SLC10A7: variants seen among roughly 807,000 people sequenced by gnomAD.
SLC10A7 encodes solute carrier family 10 member 7, also known as sodium/bile acid cotransporter 7.
In SLC10A7, 29 loss-of-function variants were observed where a neutral mutation model predicts 43.2. The ratio of observed to expected loss-of-function variants is 0.67; its 90% confidence interval spans 0.50 to 0.92. The LOEUF is 0.92. Ranked by LOEUF, SLC10A7 falls within the 40% of genes least tolerant of loss-of-function variation. The pLI, the probability that SLC10A7 is intolerant of heterozygous loss-of-function variation, is 0.00. For synonymous variants in SLC10A7, 152 were observed against 144.8 expected, an observed-to-expected ratio of 1.05 and a Z score of -0.35; for missense variants, 295 against 403.2, an observed-to-expected ratio of 0.73 and a Z score of 2.30.
rs1245704382 is a variant in SLC10A7 at position 146,404,311 on chromosome 4, T to C, written c.435+38472A>G. On this transcript the variant is annotated intron_variant, in intron 5 of 11. Transcript: ENST00000335472. ...CTGAGATTACAGGCCTGAGCCACCATGCTTGACCAACAGTATGAATCTGTA... is the reference window on the plus strand; with the variant it reads ...CTGAGATTACAGGCCTGAGCCACCACGCTTGACCAACAGTATGAATCTGTA... Among the ~76,000 whole-genome samples, 3 of 152,058 alleles carry C rather than the reference T, an allele frequency of 2.0e-5. No individual in the cohort carries two copies. The East Asian group carries it at 5.8e-4, about 29-fold the overall frequency.
At chr4:146,401,133 G>A (rs1004604809) in intron 5 of SLC10A7, among the ~76,000 whole-genome samples, 2 of 152,152 alleles carry the variant, frequency 1.3e-5, no homozygotes, top group Admixed American at 6.5e-5. Flanking sequence ...ATTCAGCAAT[G>A]ATCAATCAGT....
chr4:146,296,805 TG>T (rs1730817405), intron 7 of SLC10A7, among the ~76,000 whole-genome samples: 1 of 152,178 alleles, frequency 6.6e-6, no homozygotes, highest in Non-Finnish European at 1.5e-5. Context: ...AAACAAAAAC[TG>T]GGTGAAGTAG....
intron 5 of SLC10A7, among the ~76,000 whole-genome samples, chr4:146,365,388 C>G (rs1418671298): frequency 6.6e-6 from 1 of 152,154 alleles, no homozygotes; most frequent in East Asian, 1.9e-4. Context: ...CACATAGATA[C>G]TACATCAGAG....
intron 5 of SLC10A7, among the ~76,000 whole-genome samples, chr4:146,374,808 C>T (rs1333910819): frequency 1.3e-5 from 2 of 152,044 alleles, no homozygotes; most frequent in Non-Finnish European, 2.9e-5. Flanking sequence ...TCAGAAGATG[C>T]ATGACATTTA....
At chr4:146,328,184 G>A (rs1344133233) in intron 5 of SLC10A7, among the ~76,000 whole-genome samples, 1 of 151,648 alleles carries the variant, frequency 6.6e-6, no homozygotes, top group Non-Finnish European at 1.5e-5. Context: ...ACCTGCACAG[G>A]TCGTCTGAGA....
intron 5 of SLC10A7, among the ~76,000 whole-genome samples, chr4:146,404,274 C>T (rs2149820975): frequency 6.6e-6 from 1 of 152,288 alleles, no homozygotes; most frequent in South Asian, 2.1e-4. Flanking sequence ...ATTGCCTCGG[C>T]CGCCCAAAGT....
chr4:146,427,569 G>A (rs1729464504), intron 5 of SLC10A7, among the ~76,000 whole-genome samples: 1 of 152,140 alleles, frequency 6.6e-6, no homozygotes, highest in Admixed American at 6.5e-5. Flanking sequence ...AAAAATATCT[G>A]TGAATTAAAG....
chr4:146,340,602 G>A (rs551692494), intron 5 of SLC10A7, among the ~76,000 whole-genome samples: 1 of 151,486 alleles, frequency 6.6e-6, no homozygotes, highest in Admixed American at 6.6e-5. Context: ...CATTTCTATG[G>A]TGAATTATTA....
chr4:146,317,793 A>G (rs1195092222), intron 6 of SLC10A7, among the ~76,000 whole-genome samples: 1 of 151,330 alleles, frequency 6.6e-6, no homozygotes, highest in African/African-American at 2.4e-5. Context: ...ACCACCCCCA[A>G]CCCCCAGTTC....
intron 5 of SLC10A7, among the ~76,000 whole-genome samples, chr4:146,364,899 A>G (rs138849068): frequency 1.3e-5 from 2 of 152,286 alleles, no homozygotes; most frequent in African/African-American, 2.4e-5. Flanking sequence ...CCCCATAAAT[A>G]TATACAACCA....
At position 146,505,471 on chromosome 4, in the gene SLC10A7, G is replaced by T. The variant is rs752268257; in HGVS notation, c.321-1547C>A. Among the ~76,000 whole-genome samples the T allele has an allele frequency of 2.9e-4, 44 of 152,138 alleles. 1 individual carries two copies. Among genetic ancestry groups the T allele is most frequent in the Non-Finnish European group, 4.9e-4 (33 of 68,004 alleles). On this transcript the variant is annotated intron_variant, in intron 3 of 11. Coordinates refer to ENST00000335472, the MANE Select transcript of SLC10A7 (RefSeq NM_001029998.6). ...TAGTTAAGTTTTTGGGGAGTCAAAA[G>T]TTATATGTGGATTTTCAACGGCATG... is the stretch of plus-strand genomic sequence containing the variant.
intron 4 of SLC10A7, among the ~76,000 whole-genome samples, chr4:146,449,137 G>C (rs1379525638): frequency 1.3e-5 from 2 of 152,142 alleles, no homozygotes; most frequent in Non-Finnish European, 2.9e-5. Context: ...CACCCTGTAA[G>C]AGTTCTTAGG....
At chr4:146,515,246 C>T (rs772030569) in intron 2 of SLC10A7, 39 of 684,926 alleles carry the variant, frequency 5.7e-5, no homozygotes, top group East Asian at 1.9e-4. Flanking sequence ...CATAGAGCAA[C>T]GCCCCAAGTA....
chr4:146,473,293 A>T (rs569433085), intron 4 of SLC10A7, among the ~76,000 whole-genome samples: 4 of 152,260 alleles, frequency 2.6e-5, no homozygotes, highest in African/African-American at 4.8e-5. Flanking sequence ...AGTTTTTTTT[A>T]AAAAAGGCTG....
At chr4:146,394,227 T>C (rs1738650944) in intron 5 of SLC10A7, among the ~76,000 whole-genome samples, 1 of 152,204 alleles carries the variant, frequency 6.6e-6, no homozygotes, top group African/African-American at 2.4e-5. Context: ...AAAAACCTGA[T>C]TTAAGTCTTT....
At chr4:146,354,497 C>G (rs1231941586) in intron 5 of SLC10A7, among the ~76,000 whole-genome samples, 2 of 150,476 alleles carry the variant, frequency 1.3e-5, no homozygotes, top group Admixed American at 6.6e-5. Context: ...CCATCCCCAT[C>G]AAGCTACCAA....
At chr4:146,327,733 A>G (rs1419830423) in intron 5 of SLC10A7, among the ~76,000 whole-genome samples, 2 of 152,254 alleles carry the variant, frequency 1.3e-5, no homozygotes, top group East Asian at 1.9e-4. Context: ...ATAGAATGAT[A>G]TAACTGCTGC....
At chr4:146,442,519 TA>T in intron 5 of SLC10A7, 1 of 1,283,496 alleles carries the variant, frequency 7.8e-7, no homozygotes, top group Non-Finnish European at 9.8e-7. Flanking sequence ...ATAACCTCTA[TA>T]AGGAGACACA....
chr4:146,432,931 G>A (rs1488571783), intron 5 of SLC10A7, among the ~76,000 whole-genome samples: 2 of 151,242 alleles, frequency 1.3e-5, no homozygotes, highest in Admixed American at 6.6e-5. Flanking sequence ...CCAGCTACTC[G>A]GGAGGCTGAG....
Sources: allele counts gnomAD v4.1 joint callset (sites outside exome capture counted in the v4.1 genomes callset), GRCh38; gene constraint gnomAD v4.1.1; transcripts MANE v1.5; gene names NCBI Gene and HGNC (gene_info 2026-07-23, HGNC 2026-07-21).